The following NAALADL2 variants were observed in gnomAD, a reference collection of about 807,000 sequenced individuals.
NAALADL2 encodes the protein inactive N-acetylated-alpha-linked acidic dipeptidase-like protein 2.
A neutral mutation model predicts 87.2 loss-of-function variants in NAALADL2; 76 were observed. The observed-to-expected ratio is 0.87, with a 90% CI of 0.72 to 1.05. NAALADL2 has a LOEUF of 1.05. NAALADL2 is among the 50% of genes least tolerant of loss of function. The pLI is 0.00. For synonymous variants in NAALADL2, 354 were observed against 331.0 expected (o/e 1.07, Z -0.75); for missense variants, 1,089 against 945.8 (o/e 1.15, Z -1.99).
At chr3:175,363,416 C>A (rs1765238727) in intron 5 of NAALADL2, among the ~76,000 whole-genome samples, 1 of 147,074 alleles carries the variant, frequency 6.8e-6, no homozygotes, top group Non-Finnish European at 1.5e-5. Context: ...ACATAAAATA[C>A]CAAAAATATA....
chr3:174,920,926 C>A (rs1315684879), intron 1 of NAALADL2, among the ~76,000 whole-genome samples: 1 of 152,132 alleles, frequency 6.6e-6, no homozygotes, highest in Non-Finnish European at 1.5e-5. Flanking sequence ...AGAAGAGCGG[C>A]TGATTGGTAG....
At chr3:174,967,656 C>T (rs61137705) in intron 1 of NAALADL2, among the ~76,000 whole-genome samples, 1 of 152,240 alleles carries the variant, frequency 6.6e-6, no homozygotes, top group African/African-American at 2.4e-5. Flanking sequence ...GGGTGAGAGG[C>T]TGTGTAAAGA....
chr3:175,170,477 T>C (rs1347062458), intron 2 of NAALADL2, among the ~76,000 whole-genome samples: 4 of 146,868 alleles, frequency 2.7e-5, no homozygotes, highest in East Asian at 1.9e-4. Flanking sequence ...ATAAATATAA[T>C]ATAATATATA....
chr3:174,609,973 T>A (rs553392600), intron 2 of NAALADL2, among the ~76,000 whole-genome samples: 1 of 151,892 alleles, frequency 6.6e-6, no homozygotes, highest in Admixed American at 6.6e-5. Context: ...GAGATATAGA[T>A]CAATGGAACA....
intron 1 of NAALADL2, among the ~76,000 whole-genome samples, chr3:175,077,760 C>T (rs1716894753): frequency 6.6e-6 from 1 of 151,952 alleles, no homozygotes; most frequent in Admixed American, 6.6e-5. Flanking sequence ...TAATGTTTTA[C>T]TTTTTTAAAA....
chr3:174,864,147 T>A (rs1726852124), intron 1 of NAALADL2: 1 of 446,442 alleles, frequency 2.2e-6, no homozygotes, highest in Non-Finnish European at 4.5e-6. Flanking sequence ...ATGGACTGGG[T>A]ACATTTTCCA....
chr3:175,180,257 A>G (rs368427972), intron 2 of NAALADL2, among the ~76,000 whole-genome samples: 14 of 152,182 alleles, frequency 9.2e-5, no homozygotes, highest in African/African-American at 3.4e-4. Context: ...AACAAAAATT[A>G]TATCAATTGT....
chr3:175,695,372 G>A (rs1737627070), intron 11 of NAALADL2, among the ~76,000 whole-genome samples: 3 of 150,852 alleles, frequency 2.0e-5, no homozygotes, highest in Admixed American at 6.6e-5. Context: ...TCTTTGCCTA[G>A]TGAAATATTC....
chr3:175,542,944 T>G (rs1300090938), intron 9 of NAALADL2, among the ~76,000 whole-genome samples: 1 of 152,122 alleles, frequency 6.6e-6, no homozygotes, highest in Non-Finnish European at 1.5e-5. Context: ...CTATTAAAAT[T>G]TTTGATAGCC....
intron 10 of NAALADL2, among the ~76,000 whole-genome samples, chr3:175,599,957 A>G (rs1028974854): frequency 4.7e-4 from 71 of 152,264 alleles, no homozygotes; most frequent in African/African-American, 1.5e-3. Context: ...GTGTGAGAGC[A>G]GGACAGTGTT....
At chr3:175,258,079 T>C (rs1035049589) in intron 4 of NAALADL2, among the ~76,000 whole-genome samples, 9 of 151,730 alleles carry the variant, frequency 5.9e-5, no homozygotes, top group Admixed American at 1.3e-4. Context: ...GAGGCCGAGG[T>C]GGGCAGAGCA....
At chr3:174,733,786 T>G (rs1231086735) in intron 2 of NAALADL2, among the ~76,000 whole-genome samples, 1 of 152,068 alleles carries the variant, frequency 6.6e-6, no homozygotes, top group African/African-American at 2.4e-5. Context: ...AATTAGGGGT[T>G]TATGTAGCAG....
In NAALADL2 at chr3:175,664,632, T is replaced by G. The variant is rs117101559; in HGVS notation, c.1896+37246T>G. On this transcript the variant is annotated intron_variant, in intron 11 of 13. Transcript: ENST00000454872. ...AGAACAATATTTGTATTTTTGATTT[T>G]TTTTGTATTAAAGCAAAATAATAAA... 1.6e-3 allele frequency among the ~76,000 whole-genome samples: 243 copies of G among 152,288 alleles called. 3 individuals carry two copies. In the East Asian group the frequency reaches 0.034, roughly 21 times the overall value.
chr3:175,403,602 A>G (rs1384051834), intron 5 of NAALADL2, among the ~76,000 whole-genome samples: 1 of 152,138 alleles, frequency 6.6e-6, no homozygotes, highest in Non-Finnish European at 1.5e-5. Flanking sequence ...TCATTCATAT[A>G]GTTAAAAGGA....
upstream of NAALADL2, among the ~76,000 whole-genome samples, chr3:174,854,835 CTTTTTTT>C (rs68116968): frequency 3.6e-5 from 4 of 111,996 alleles, no homozygotes; most frequent in Non-Finnish European, 7.0e-5. Context: ...GCTTTTTTTT[CTTTTTTT>C]TTTTTTTTTT....
rs150570498 is a variant in NAALADL2 at position 174,843,858 on chromosome 3, G to A, written c.-9+106112G>A. Among the ~76,000 whole-genome samples, 144 of 151,904 alleles carry A rather than the reference G, an allele frequency of 9.5e-4. 1 individual carries two copies. Among genetic ancestry groups the A allele is most frequent in the Middle Eastern group, 6.8e-3 (2 of 292 alleles). On this transcript the variant is annotated intron_variant, in intron 3 of 3. Transcript: ENST00000434257. ...AAAGTGACTATTAAGGTCTTTTGCT[G>A]ATTTAAAAAAAAATTGGGTTATTTT...
At chr3:175,514,292 A>G (rs1582205507) in intron 9 of NAALADL2, among the ~76,000 whole-genome samples, 1 of 152,320 alleles carries the variant, frequency 6.6e-6, no homozygotes, top group South Asian at 2.1e-4. Context: ...TTGTTAGACA[A>G]TGAATATTAT....
chr3:174,452,491 A>C (rs1461573802), intron 1 of NAALADL2, among the ~76,000 whole-genome samples: 1 of 152,106 alleles, frequency 6.6e-6, no homozygotes, highest in East Asian at 1.9e-4. Context: ...GTCACCTTAC[A>C]AAATGCTTTA....
intron 1 of NAALADL2, among the ~76,000 whole-genome samples, chr3:174,531,179 A>G (rs148839140): frequency 3.4e-4 from 52 of 151,728 alleles, no homozygotes; most frequent in African/African-American, 1.1e-3. Context: ...GTATGTTTCT[A>G]TTTCTTTTAT....
Sources: allele counts gnomAD v4.1 joint callset (sites outside exome capture counted in the v4.1 genomes callset), GRCh38; gene constraint gnomAD v4.1.1; transcripts MANE v1.5; gene names NCBI Gene and HGNC (gene_info 2026-07-23, HGNC 2026-07-21).